POLR2J: variants seen among roughly 807,000 people sequenced by gnomAD.
The protein encoded by POLR2J is RNA polymerase II subunit J, also known as DNA-directed RNA polymerase II subunit RPB11-a.
Under a neutral mutation model 13.4 loss-of-function variants are expected in POLR2J, and 12 were observed. The observed-to-expected ratio is 0.90, with a 90% CI of 0.57 to 1.45. The LOEUF is 1.45. POLR2J is among the 40% of genes most tolerant of loss of function. The pLI is 0.00. For synonymous variants in POLR2J, 31 were observed against 53.6 expected (o/e 0.58, Z 1.84); for missense variants, 58 against 132.0 (o/e 0.44, Z 2.75).
Position 102,473,492 on chromosome 7 carries a change from T to C in POLR2J, c.*157A>G. 1 of 911,468 alleles carries C rather than the reference T, an allele frequency of 1.1e-6. No homozygotes were observed. The highest frequency in any genetic ancestry group is 1.5e-6 in the Non-Finnish European group (1 of 676,044). 56.5% of individuals were successfully genotyped at this position (911,468 alleles called of 1,614,324 possible). ...TATACTTTATTAGGAATATAAAACC[T>C]AATCTATGTACAGGACACGTCGGTG... On this transcript the variant is annotated 3_prime_UTR_variant, in exon 4 of 4. Transcript: ENST00000292614.
chr7:102,473,610 G>A lies in POLR2J; in HGVS notation c.*39C>T, dbSNP rs1485578370. 6.2e-7 allele frequency: 1 copy of A among 1,603,760 alleles called. No individual in the cohort carries two copies. The highest frequency in any genetic ancestry group is 2.3e-5 in the East Asian group (1 of 43,316). On this transcript the variant is annotated 3_prime_UTR_variant, in exon 4 of 4. Coordinates refer to ENST00000292614, the MANE Select transcript of POLR2J (RefSeq NM_006234.6). ...GGAGCGGAGGGTCAGGCACAGGTAG[G>A]AACGGGGCTCACAGGCCGAGCAGAG... is the stretch of plus-strand genomic sequence containing the variant.
At chr7:102,478,610 G>A (rs1255841831) in intron 1 of POLR2J, among the ~76,000 whole-genome samples, 198 bp downstream of exon 1, 2 of 151,112 alleles carry the variant, frequency 1.3e-5, no homozygotes, top group Non-Finnish European at 3.0e-5. Flanking sequence ...TCGCCTCCAA[G>A]CCTCAGTGTC....
At chr7:102,474,126 C>A (rs1366611260) in intron 3 of POLR2J, 1 of 1,499,256 alleles carries the variant, frequency 6.7e-7, no homozygotes, top group Non-Finnish European at 8.9e-7. Flanking sequence ...GCCCACAGCA[C>A]CCGAGGGACC....
chr7:102,477,997 T>C (rs1798473884), intron 1 of POLR2J, among the ~76,000 whole-genome samples: 2 of 116,234 alleles, frequency 1.7e-5, no homozygotes, highest in African/African-American at 6.1e-5. Flanking sequence ...TTTTTTTGTT[T>C]TTTGAAACGG....
Position 102,473,587 on chromosome 7 carries a change from A to AGC in POLR2J, c.*60_*61dup. The stretch of plus-strand genomic sequence containing the variant: ...CCGCTCTCCTCGGTGTGGTACCTGG[A>AGC]GCGGAGGGTCAGGCACAGGTAGGAA... On this transcript the variant is annotated 3_prime_UTR_variant, in exon 4 of 4. Coordinates refer to ENST00000292614, the MANE Select transcript of POLR2J (RefSeq NM_006234.6). 1 of 1,605,642 alleles carries AGC rather than the reference A, an allele frequency of 6.2e-7. No homozygotes were observed. Among genetic ancestry groups the AGC allele is most frequent in the Non-Finnish European group, 8.5e-7 (1 of 1,176,464 alleles).
chr7:102,473,213 G>GC lies in POLR2J; in HGVS notation c.*435dup, dbSNP rs1798281906. 9.4e-6 allele frequency: 8 copies of GC among 848,996 alleles called. No individual in the cohort carries two copies. The highest frequency in any genetic ancestry group is 1.7e-5 in the African/African-American group (1 of 58,274). The allele number at this position is 848,996 out of a possible 1,614,324, so 52.6% of individuals were successfully genotyped here. A position where few individuals can be genotyped will look rare whatever the true frequency, so the allele number is the denominator to read the frequency against. Reference sequence around the variant, plus strand: ...GAGTTATGCAGGAAGAAGTGTTCCTGCTTTGACTGACAGGCAGGCCCAGGA... The same window carrying GC: ...GAGTTATGCAGGAAGAAGTGTTCCTGCCTTTGACTGACAGGCAGGCCCAGGA... On this transcript the variant is annotated 3_prime_UTR_variant, in exon 4 of 4. Coordinates refer to ENST00000292614, the MANE Select transcript of POLR2J (RefSeq NM_006234.6).
chr7:102,473,870 C>G (rs1180152643), intron 3 of POLR2J, 186 bp from the exon 4 acceptor site: 18 of 1,442,440 alleles, frequency 1.2e-5, no homozygotes, highest in Non-Finnish European at 1.6e-5. Flanking sequence ...CTATGGCAGC[C>G]CCGGCAGGAG....
At chr7:102,473,933 C>G in intron 3 of POLR2J, 1 of 1,434,760 alleles carries the variant, frequency 7.0e-7, no homozygotes, top group Non-Finnish European at 9.1e-7. Flanking sequence ...GTTGAAATCC[C>G]CCAAGCTGTG....
At chr7:102,474,786 C>T (rs1798373178) in intron 2 of POLR2J, among the ~76,000 whole-genome samples, 1 of 129,444 alleles carries the variant, frequency 7.7e-6, no homozygotes, top group Non-Finnish European at 1.8e-5. Flanking sequence ...AACCTCTTCC[C>T]ACCGGGCACC....
chr7:102,473,841 G>A, intron 3 of POLR2J, 157 bp from the exon 4 acceptor site: 1 of 1,453,078 alleles, frequency 6.9e-7, no homozygotes, highest in Non-Finnish European at 9.0e-7. Flanking sequence ...CCTCCCAGCT[G>A]GCCCAATCCA....
rs573915795 is a variant in POLR2J at position 102,475,953 on chromosome 7, A to C, written c.143+228T>G. Among the ~76,000 whole-genome samples, 9 of 119,034 alleles carry C rather than the reference A, an allele frequency of 7.6e-5. 3 individuals are homozygous for C. The South Asian group carries it at 2.3e-3, about 30-fold the overall frequency. 78.1% of individuals were successfully genotyped at this position (119,034 alleles called of 152,430 possible). On this transcript the variant is annotated intron_variant, in intron 2 of 3. Transcript: ENST00000292614. ...ACAAACAAACAAACAGTGAATGTAA[A>C]TGCACATGTTCATCTACAGAATAAG...
At chr7:102,478,765 G>A (rs777816944) in intron 1 of POLR2J, 43 bp downstream of exon 1, 19 of 1,608,402 alleles carry the variant, frequency 1.2e-5, no homozygotes, top group Middle Eastern at 2.3e-4. Context: ...TGCGACAGCC[G>A]CAGGCCCGCG....
Position 102,478,840 on chromosome 7 carries a change from G to A in POLR2J, c.21C>T (p.Phe7=). 2 of 1,610,836 alleles carry A rather than the reference G, an allele frequency of 1.2e-6. No homozygotes were observed. Among genetic ancestry groups the A allele is most frequent in the African/African-American group, 1.3e-5 (1 of 74,984 alleles). ...CGCCCTCGAAGAGCAAGAACGACTC[G>A]AAGGCTGGAGGGGCGTTCATGCTCC... is the stretch of plus-strand genomic sequence containing the variant. MNAPPA[F]ESFLLFEGEK... The change falls in exon 1 of 4, where the codon TTC becomes TTT. Residue 7 remains phenylalanine (F), a synonymous_variant. Coordinates refer to ENST00000292614, the MANE Select transcript of POLR2J (RefSeq NM_006234.6).
intron 3 of POLR2J, 73 bp downstream of exon 3, chr7:102,474,288 G>C (rs1337602867): frequency 1.2e-5 from 19 of 1,610,454 alleles, no homozygotes; most frequent in Non-Finnish European, 1.5e-5. Flanking sequence ...AAACAGGCCA[G>C]GGCTGTCCCA....
intron 3 of POLR2J, 45 bp from the exon 4 acceptor site, chr7:102,473,729 G>T (rs1798315211): frequency 6.2e-7 from 1 of 1,612,668 alleles, no homozygotes; most frequent in Non-Finnish European, 8.5e-7. Context: ...AACAGCTGGG[G>T]CAAGGACGCT....
At chr7:102,474,249 C>T (rs1474806041) in intron 3 of POLR2J, 112 bp downstream of exon 3, 188 of 1,602,190 alleles carry the variant, frequency 1.2e-4, no homozygotes, top group Non-Finnish European at 1.5e-4. Context: ...TCTTCCATCA[C>T]TGCCGCCTCT....
chr7:102,478,889 A>C lies in POLR2J; in HGVS notation c.-29T>G, dbSNP rs772700407. 1 of 1,610,068 alleles carries C rather than the reference A, an allele frequency of 6.2e-7. No individual in the cohort carries two copies. The highest frequency in any genetic ancestry group is 1.7e-5 in the Admixed American group (1 of 59,920). On this transcript the variant is annotated 5_prime_UTR_variant, in exon 1 of 4. Coordinates refer to ENST00000292614, the MANE Select transcript of POLR2J (RefSeq NM_006234.6). ...CCCGCCGCCGTTGCGTCCAGACCCCAAGGGTCCGCCGCCGCCGCCACCAGA... is the reference window on the plus strand; with the variant it reads ...CCCGCCGCCGTTGCGTCCAGACCCCCAGGGTCCGCCGCCGCCGCCACCAGA...
intron 3 of POLR2J, 148 bp from the exon 4 acceptor site, chr7:102,473,832 C>G: frequency 2.7e-6 from 4 of 1,460,940 alleles, no homozygotes; most frequent in South Asian, 1.4e-5. Flanking sequence ...CCAAAGGGCC[C>G]TCCCAGCTGG....
At chr7:102,477,975 T>A (rs1262118196) in intron 1 of POLR2J, among the ~76,000 whole-genome samples, 1 of 122,776 alleles carries the variant, frequency 8.1e-6, no homozygotes, top group African/African-American at 2.9e-5. Context: ...CCAGCGCACC[T>A]GGCCAGATCC....
Sources: allele counts gnomAD v4.1 joint callset (sites outside exome capture counted in the v4.1 genomes callset), GRCh38; gene constraint gnomAD v4.1.1; transcripts MANE v1.5; gene names NCBI Gene and HGNC (gene_info 2026-07-23, HGNC 2026-07-21).